APP: variants seen among roughly 807,000 people sequenced by gnomAD.
APP encodes amyloid-beta precursor protein.
In APP, 31 loss-of-function variants were observed where a neutral mutation model predicts 101.4. That is an observed-to-expected ratio of 0.31 (90% confidence interval 0.23 to 0.41). The LOEUF (loss-of-function observed/expected upper bound fraction) is 0.41. Among genes scored for constraint, APP ranks in the 10% least tolerant of loss-of-function variants. The pLI is 1.00. For synonymous variants in APP, 366 were observed against 364.4 expected, an observed-to-expected ratio of 1.00 and a Z score of -0.05; for missense variants, 839 against 1,003.7, an observed-to-expected ratio of 0.84 and a Z score of 2.22.
chr21:26,066,956 A>C (rs1370386980), intron 3 of APP, among the ~76,000 whole-genome samples: 1 of 152,198 alleles, frequency 6.6e-6, no homozygotes, highest in Non-Finnish European at 1.5e-5. Flanking sequence ...ACTTAACATA[A>C]TTTGATAAGA....
In APP at chr21:25,905,609, T is replaced by C. The variant is rs2038748017; in HGVS notation, c.1910-532A>G. Among the ~76,000 whole-genome samples the C allele has an allele frequency of 1.3e-5, 2 of 152,228 alleles. 1 individual carries two copies. Among genetic ancestry groups the C allele is most frequent in the Admixed American group, 1.3e-4 (2 of 15,274 alleles). On this transcript the variant is annotated intron_variant, in intron 14 of 17. Coordinates refer to ENST00000346798, the MANE Select transcript of APP (RefSeq NM_000484.4). ...CCATTTAGTGAGTGAATCAAATTTG[T>C]CCTTAGTATGAGGGCAGAAGAGGGA...
At chr21:26,006,180 C>T (rs11909265) in intron 6 of APP, among the ~76,000 whole-genome samples, 60,875 of 151,920 alleles carry the variant, frequency 0.4, 15,146 homozygotes, top group African/African-American at 0.69. Flanking sequence ...AGAATATTTC[C>T]TAAAGAGAAA....
At chr21:25,886,887 G>A (rs1166479164) in intron 17 of APP, among the ~76,000 whole-genome samples, 4 of 152,036 alleles carry the variant, frequency 2.6e-5, no homozygotes, top group Admixed American at 2.0e-4. Flanking sequence ...GCTTCTGGCC[G>A]GGAAGAAAGG....
rs577951758 is a variant in APP, at chr21:26,075,317, C to T, written c.355+14626G>A. 5.9e-5 allele frequency among the ~76,000 whole-genome samples: 9 copies of T among 152,220 alleles called. No individual in the cohort carries two copies. In the South Asian group the frequency reaches 1.0e-3, roughly 18 times the overall value. On this transcript the variant is annotated intron_variant, in intron 3 of 17. Coordinates refer to ENST00000346798, the MANE Select transcript of APP (RefSeq NM_000484.4). Reference sequence around the variant, plus strand: ...CAATTATTTCCCAATGTTTGAGCACCGCAGGAAAGGGTTAACCATCAGCAT... The same window carrying T: ...CAATTATTTCCCAATGTTTGAGCACTGCAGGAAAGGGTTAACCATCAGCAT...
rs76542871 is a variant in APP at position 25,900,063 on chromosome 21, T to C, written c.1964-2390A>G. Among the ~76,000 whole-genome samples, 180 of 152,292 alleles carry C rather than the reference T, an allele frequency of 1.2e-3. 1 individual carries two copies. In the East Asian group the frequency reaches 0.034, roughly 29 times the overall value. ...TATTGTTAAGTATTTTTTGGTTAAG[T>C]TTCAACTCATTCTGCTGAAACGAAC... On this transcript the variant is annotated intron_variant, in intron 15 of 17. Transcript: ENST00000346798.
intron 2 of APP, among the ~76,000 whole-genome samples, chr21:26,104,940 T>C (rs1416110548): frequency 6.6e-6 from 1 of 152,068 alleles, no homozygotes; most frequent in East Asian, 1.9e-4. Flanking sequence ...CTCTAAAATA[T>C]TTTGGTCATG....
At chr21:26,044,373 G>A (rs2045512998) in intron 5 of APP, among the ~76,000 whole-genome samples, 1 of 152,132 alleles carries the variant, frequency 6.6e-6, no homozygotes, top group African/African-American at 2.4e-5. Context: ...CCACATATTG[G>A]CAAATAGGAA....
chr21:25,909,367 T>C (rs2038951752), intron 14 of APP, among the ~76,000 whole-genome samples: 1 of 152,072 alleles, frequency 6.6e-6, no homozygotes, highest in Admixed American at 6.5e-5. Context: ...TGAAGAGTAC[T>C]GCAACTCAAG....
rs527953648 is a variant in APP at position 26,106,660 on chromosome 21, G to A, written c.225+5319C>T. Among the ~76,000 whole-genome samples, 248 of 152,330 alleles carry A rather than the reference G, an allele frequency of 1.6e-3. 2 individuals are homozygous for A. Among genetic ancestry groups the A allele is most frequent in the African/African-American group, 5.7e-3 (239 of 41,570 alleles). ...CTCGGCCAAAACCTAGTTCTTAAGA[G>A]ATACCTGCAACTAGTGCTTAGGATG... is the stretch of plus-strand genomic sequence containing the variant. On this transcript the variant is annotated intron_variant, in intron 2 of 17. Coordinates refer to ENST00000346798, the MANE Select transcript of APP (RefSeq NM_000484.4).
At chr21:25,962,112 T>C (rs893411717) in intron 11 of APP, among the ~76,000 whole-genome samples, 54 of 152,220 alleles carry the variant, frequency 3.5e-4, no homozygotes, top group Admixed American at 3.5e-3. Flanking sequence ...CTATTTATTG[T>C]CACTACTGTT....
At chr21:26,084,569 A>C (rs1278423217) in intron 3 of APP, among the ~76,000 whole-genome samples, 4 of 152,082 alleles carry the variant, frequency 2.6e-5, no homozygotes, top group Non-Finnish European at 5.9e-5. Flanking sequence ...GTTCTTGCTT[A>C]ATCAAATGGA....
At chr21:25,884,857 C>T (rs1045184760) in intron 17 of APP, among the ~76,000 whole-genome samples, 1 of 152,224 alleles carries the variant, frequency 6.6e-6, no homozygotes, top group African/African-American at 2.4e-5. Flanking sequence ...TTGCATGCAT[C>T]AAGGGCAGGG....
intron 16 of APP, among the ~76,000 whole-genome samples, chr21:25,892,962 C>G (rs77527103): frequency 4.4e-5 from 2 of 45,432 alleles, no homozygotes. Context: ...AAAAAAAAAA[C>G]AAAAAGGTTT....
At chr21:25,995,212 A>G (rs1338363657) in intron 8 of APP, among the ~76,000 whole-genome samples, 1 of 152,248 alleles carries the variant, frequency 6.6e-6, no homozygotes, top group Non-Finnish European at 1.5e-5. Context: ...TAGAATTCTT[A>G]TAAATGCTAA....
chr21:26,095,064 T>G (rs1249646129), intron 2 of APP, among the ~76,000 whole-genome samples: 2 of 152,216 alleles, frequency 1.3e-5, no homozygotes, highest in African/African-American at 4.8e-5. Context: ...CAGGATGCTC[T>G]CAATCTCCTG....
At chr21:26,013,094 A>T (rs1015343746) in intron 6 of APP, among the ~76,000 whole-genome samples, 3 of 152,142 alleles carry the variant, frequency 2.0e-5, no homozygotes, top group African/African-American at 7.2e-5. Flanking sequence ...AGGCAGGTGG[A>T]TCACCTGAGG....
At chr21:25,995,402 G>C (rs1330681624) in intron 8 of APP, among the ~76,000 whole-genome samples, 1 of 151,486 alleles carries the variant, frequency 6.6e-6, no homozygotes, top group Non-Finnish European at 1.5e-5. Context: ...TCACTAACCG[G>C]CAAAACAATG....
At chr21:25,889,950 A>G (rs1263494329) in intron 17 of APP, among the ~76,000 whole-genome samples, 1 of 152,250 alleles carries the variant, frequency 6.6e-6, no homozygotes, top group Admixed American at 6.5e-5. Flanking sequence ...TCAAGTATGA[A>G]GACATCTTTA....
chr21:25,898,962 G>C (rs2038261098), intron 15 of APP, among the ~76,000 whole-genome samples: 1 of 152,190 alleles, frequency 6.6e-6, no homozygotes, highest in Non-Finnish European at 1.5e-5. Context: ...CAGTCTAAGA[G>C]CACAGCCTAT....
Sources: gnomAD v4.1 joint callset for allele counts (sites outside exome capture counted in the v4.1 genomes callset) on GRCh38, gnomAD v4.1.1 for gene constraint, MANE v1.5 for transcripts, NCBI Gene and HGNC (gene_info 2026-07-23, HGNC 2026-07-21) for gene names.